The following FRMD4A variants were observed in gnomAD, a reference collection of about 807,000 sequenced individuals.
FRMD4A encodes FERM domain containing 4A.
In FRMD4A, 29 loss-of-function variants were observed where a neutral mutation model predicts 129.1. The ratio of observed to expected loss-of-function variants is 0.22; its 90% CI spans 0.17 to 0.31. The LOEUF (loss-of-function observed/expected upper bound fraction) is 0.31, where lower values mean the gene tolerates loss of function less well. Among genes scored for constraint, FRMD4A ranks in the 10% least tolerant of loss-of-function variants. The pLI, the probability that FRMD4A is intolerant of heterozygous loss-of-function variation, is 1.00. For synonymous variants in FRMD4A, 634 were observed against 571.6 expected (o/e 1.11, Z -1.56); for missense variants, 1,272 against 1,375.8 (o/e 0.92, Z 1.19).
At chr10:14,008,566 T>G in intron 2 of FRMD4A, 5 of 924,296 alleles carry the variant, frequency 5.4e-6, no homozygotes, top group African/African-American at 1.8e-5. Context: ...ATCAAAGCTC[T>G]ATCAGACGTA....
intron 4 of FRMD4A, among the ~76,000 whole-genome samples, 169 bp from the exon 5 acceptor site, chr10:13,796,757 G>C (rs1299932942): frequency 6.6e-6 from 1 of 151,982 alleles, no homozygotes; most frequent in Non-Finnish European, 1.5e-5. Flanking sequence ...GTCTTGCTCT[G>C]TGACCCAGGC....
chr10:13,689,892 A>T (rs533407195), intron 15 of FRMD4A, among the ~76,000 whole-genome samples: 6 of 151,524 alleles, frequency 4.0e-5, no homozygotes, highest in Non-Finnish European at 8.8e-5. Context: ...CACATGCAGG[A>T]GTCTTATTAG....
chr10:13,960,005 C>T (rs887751046), intron 2 of FRMD4A, among the ~76,000 whole-genome samples: 2 of 152,310 alleles, frequency 1.3e-5, no homozygotes, highest in African/African-American at 4.8e-5. Context: ...CCTTGGGAAG[C>T]ATAAACAAAG....
intron 2 of FRMD4A, among the ~76,000 whole-genome samples, chr10:14,136,680 C>T (rs970844849): frequency 5.3e-5 from 8 of 152,156 alleles, no homozygotes; most frequent in African/African-American, 1.7e-4. Context: ...CATCCCCACC[C>T]GCTTCCAGTT....
chr10:13,723,822 G>C (rs2089666392), intron 12 of FRMD4A, among the ~76,000 whole-genome samples: 2 of 152,226 alleles, frequency 1.3e-5, no homozygotes, highest in African/African-American at 2.4e-5. Flanking sequence ...GGGTTACCTG[G>C]AGAGCTTAAT....
chr10:14,172,202 C>G (rs575507376), intron 2 of FRMD4A, among the ~76,000 whole-genome samples: 2 of 152,292 alleles, frequency 1.3e-5, no homozygotes, highest in African/African-American at 2.4e-5. Flanking sequence ...AATTTAAACA[C>G]ATACACATAC....
In FRMD4A at chr10:13,710,939, G is replaced by A. The variant is rs574179999; in HGVS notation, c.760-3826C>T. Among the ~76,000 whole-genome samples, 37 of 152,254 alleles carry A rather than the reference G, an allele frequency of 2.4e-4. 1 individual carries two copies. Among genetic ancestry groups the A allele is most frequent in the South Asian group, 8.3e-4 (4 of 4,826 alleles). On this transcript the variant is annotated intron_variant, in intron 12 of 24. Coordinates refer to ENST00000357447, the MANE Select transcript of FRMD4A (RefSeq NM_018027.5). ...TGAGACAAGAGAATCACTAGAACCC[G>A]GGAGGCAGAGGTTGCAGTGAGCCAG...
chr10:14,097,826 T>A (rs1333600521), intron 2 of FRMD4A, among the ~76,000 whole-genome samples: 1 of 149,588 alleles, frequency 6.7e-6, no homozygotes, highest in East Asian at 1.9e-4. Flanking sequence ...ATGATAAGAA[T>A]AGCTATGACT....
At chr10:14,125,030 G>A (rs1213867141) in intron 2 of FRMD4A, among the ~76,000 whole-genome samples, 1 of 152,170 alleles carries the variant, frequency 6.6e-6, no homozygotes, top group Non-Finnish European at 1.5e-5. Context: ...GTGTAGTGCT[G>A]TTTTCTAGCT....
intron 2 of FRMD4A, among the ~76,000 whole-genome samples, chr10:13,995,453 T>G (rs1287916510): frequency 6.6e-6 from 1 of 152,146 alleles, no homozygotes; most frequent in East Asian, 1.9e-4. Context: ...GGTGTGGTGG[T>G]GCATGCCTGT....
chr10:13,869,018 G>A (rs146342316), intron 2 of FRMD4A, among the ~76,000 whole-genome samples: 12 of 152,310 alleles, frequency 7.9e-5, no homozygotes, highest in East Asian at 3.9e-4. Context: ...CCGGGCTGGC[G>A]TTTTACTTGC....
At chr10:14,057,897 C>T (rs982849921) in intron 2 of FRMD4A, among the ~76,000 whole-genome samples, 12 of 152,172 alleles carry the variant, frequency 7.9e-5, no homozygotes, top group African/African-American at 1.9e-4. Flanking sequence ...CTGGTTGTGT[C>T]GGTTTCTCTT....
At chr10:13,912,520 A>ATTTT (rs57865883) in intron 2 of FRMD4A, among the ~76,000 whole-genome samples, 1 of 126,210 alleles carries the variant, frequency 7.9e-6, no homozygotes, top group African/African-American at 3.0e-5. Flanking sequence ...ACATAATAGA[A>ATTTT]TTTTTTTTTT....
At chr10:14,131,535 A>G (rs1169929436) in intron 2 of FRMD4A, among the ~76,000 whole-genome samples, 1 of 152,152 alleles carries the variant, frequency 6.6e-6, no homozygotes, top group Non-Finnish European at 1.5e-5. Context: ...AACAACACAG[A>G]CAGCATAACT....
chr10:13,693,968 G>A lies in FRMD4A; in HGVS notation c.1047C>T (p.Thr349=). The A allele has an allele frequency of 6.3e-7, 1 of 1,577,882 alleles. No homozygotes were observed. The highest frequency in any genetic ancestry group is 8.6e-7 in the Non-Finnish European group (1 of 1,166,100). ...TGCTACCCATGTTGGCCAGCTTCGA[G>A]GTCTTCAGCGTCCCCGTCTCGGTCA... ...IDLTETGTLK[T]SKLANMGSKG... Residue 349 remains threonine (T), a synonymous_variant, in exon 15 of 25, where the codon ACC becomes ACT. Transcript: ENST00000357447.
chr10:13,874,800 T>A (rs1261474994), intron 2 of FRMD4A, among the ~76,000 whole-genome samples: 1 of 152,250 alleles, frequency 6.6e-6, no homozygotes, highest in Non-Finnish European at 1.5e-5. Flanking sequence ...ATGTGTTCAC[T>A]CAAGTGCTTA....
At chr10:14,118,896 C>T (rs1227099536) in intron 2 of FRMD4A, among the ~76,000 whole-genome samples, 2 of 152,128 alleles carry the variant, frequency 1.3e-5, no homozygotes, top group Non-Finnish European at 2.9e-5. Context: ...AACCCTGAAT[C>T]CCCACAACTC....
At chr10:13,925,594 T>TTTTTTTTG (rs2095124260) in intron 2 of FRMD4A, among the ~76,000 whole-genome samples, 1 of 92,882 alleles carries the variant, frequency 1.1e-5, no homozygotes, top group African/African-American at 4.3e-5. Flanking sequence ...TTTTTTTTTT[T>TTTTTTTTG]TTTTTTTGAG....
intron 2 of FRMD4A, among the ~76,000 whole-genome samples, chr10:14,242,640 C>A (rs939912290): frequency 3.3e-5 from 5 of 152,156 alleles, no homozygotes; most frequent in African/African-American, 1.2e-4. Context: ...GATAAGGAGG[C>A]AATAAATGCC....
Sources: gnomAD v4.1 joint callset for allele counts (sites outside exome capture counted in the v4.1 genomes callset) on GRCh38, gnomAD v4.1.1 for gene constraint, MANE v1.5 for transcripts, NCBI Gene and HGNC (gene_info 2026-07-23, HGNC 2026-07-21) for gene names.